Variants in CSGALNACT1 observed in about 807,000 individuals in gnomAD.
CSGALNACT1 encodes the protein beta4GalNAcT-1.
Under a neutral mutation model 51.0 loss-of-function variants are expected in CSGALNACT1, and 52 were observed. The ratio of observed to expected loss-of-function variants is 1.02; its 90% CI spans 0.82 to 1.29. CSGALNACT1 has a LOEUF of 1.29. CSGALNACT1 is among the 50% of genes most tolerant of loss of function. CSGALNACT1 has a pLI of 0.00. For missense variants in CSGALNACT1, 935 were observed against 679.2 expected, an observed-to-expected ratio of 1.38 and a Z score of -4.19; for synonymous variants, 341 against 254.4, an observed-to-expected ratio of 1.34 and a Z score of -3.24.
At chr8:19,514,508 T>TATATATATAC (rs1467913759) in intron 3 of CSGALNACT1, among the ~76,000 whole-genome samples, 2 of 139,364 alleles carry the variant, frequency 1.4e-5, no homozygotes, top group African/African-American at 5.6e-5. Context: ...TATATATATA[T>TATATATATAC]ATACATGTAT....
intron 8 of CSGALNACT1, 89 bp from the exon 8 acceptor site, chr8:19,408,783 T>C (rs1412703531): frequency 2.6e-6 from 3 of 1,139,176 alleles, no homozygotes; most frequent in Non-Finnish European, 4.0e-6. Flanking sequence ...CCGTGGAGTG[T>C]GGAGCCCATC....
intron 3 of CSGALNACT1, among the ~76,000 whole-genome samples, chr8:19,545,934 C>A (rs1353052132): frequency 2.0e-5 from 3 of 150,574 alleles, no homozygotes; most frequent in Admixed American, 1.3e-4. Context: ...AAACAATGCA[C>A]AAAAAATAAA....
rs1029503064 is a variant in CSGALNACT1 at position 19,505,818 on chromosome 8, C to T, written c.17G>A (p.Arg6Gln). The T allele has an allele frequency of 6.8e-6, 11 of 1,612,174 alleles. No homozygotes were observed. Among genetic ancestry groups the T allele is most frequent in the Middle Eastern group, 1.6e-4 (1 of 6,062 alleles). Residue 6 changes from arginine to glutamine, a missense_variant, in exon 4 of 10, where the codon CGG (arginine) becomes CAG (glutamine). Transcript: ENST00000454498. ...CCGGGAAATCCACGCAAGCAGCCCC[C>T]GGCGAACCATCATCATTCAGGAATC...
At chr8:19,707,074 T>C (rs2062215712) in intron 1 of CSGALNACT1, among the ~76,000 whole-genome samples, 1 of 152,108 alleles carries the variant, frequency 6.6e-6, no homozygotes, top group African/African-American at 2.4e-5. Flanking sequence ...ATTCATCTAG[T>C]AGGAGGTTAC....
At chr8:19,682,711 G>A (rs2060714862), upstream of CSGALNACT1, 1 of 453,922 alleles carries the variant, frequency 2.2e-6, no homozygotes, top group African/African-American at 2.0e-5. Flanking sequence ...TGCAATTCGG[G>A]GCCACACCAA....
chr8:19,437,278 C>G (rs2060527016), intron 6 of CSGALNACT1, among the ~76,000 whole-genome samples: 1 of 151,944 alleles, frequency 6.6e-6, no homozygotes, highest in Non-Finnish European at 1.5e-5. Flanking sequence ...GGAAGGAACT[C>G]CCAAAAGAAG....
intron 1 of CSGALNACT1, among the ~76,000 whole-genome samples, chr8:19,639,103 T>G (rs1014615918): frequency 6.6e-6 from 1 of 152,168 alleles, no homozygotes; most frequent in African/African-American, 2.4e-5. Context: ...AATATGAATG[T>G]TTCCCTAGCC....
chr8:19,463,546 C>A (rs1751446044), intron 4 of CSGALNACT1, among the ~76,000 whole-genome samples: 1 of 152,160 alleles, frequency 6.6e-6, no homozygotes. Context: ...TATTCCAAGG[C>A]AGGAATGGTT....
At chr8:19,719,823 T>C (rs2063017182) in intron 1 of CSGALNACT1, among the ~76,000 whole-genome samples, 1 of 152,276 alleles carries the variant, frequency 6.6e-6, no homozygotes, top group South Asian at 2.1e-4. Context: ...TTCTTCCTCA[T>C]GAGAAAACAA....
chr8:19,443,474 C>G (rs1238219131), intron 5 of CSGALNACT1, among the ~76,000 whole-genome samples: 1 of 152,236 alleles, frequency 6.6e-6, no homozygotes, highest in East Asian at 1.9e-4. Flanking sequence ...TTAATGGACT[C>G]ACAGTTCCAC....
intron 1 of CSGALNACT1, among the ~76,000 whole-genome samples, chr8:19,670,430 A>G (rs188898836): frequency 2.0e-5 from 3 of 152,296 alleles, no homozygotes; most frequent in Admixed American, 2.0e-4. Context: ...TTAGTTTATT[A>G]GCTTTTTAAA....
intron 3 of CSGALNACT1, among the ~76,000 whole-genome samples, chr8:19,521,821 GAAGAT>G (rs1360115183): frequency 6.6e-6 from 1 of 152,232 alleles, no homozygotes; most frequent in Non-Finnish European, 1.5e-5. Context: ...TGCAGGAATG[GAAGAT>G]AAGAGAGGGG....
chr8:19,722,911 C>T (rs561571689), intron 1 of CSGALNACT1, among the ~76,000 whole-genome samples: 108 of 152,322 alleles, frequency 7.1e-4, no homozygotes, highest in African/African-American at 2.5e-3. Flanking sequence ...GCAAGTACAA[C>T]GATTTCCCAA....
rs369245469 is a variant in CSGALNACT1 at position 19,448,586 on chromosome 8, G to T, written c.852-8655C>A. Among the ~76,000 whole-genome samples, 38 of 152,246 alleles carry T rather than the reference G, an allele frequency of 2.5e-4. No homozygotes were observed. In the East Asian group the frequency reaches 6.2e-3, roughly 25 times the overall value. On this transcript the variant is annotated intron_variant, in intron 5 of 9. Transcript: ENST00000454498. ...AACTAAAAGGCTGAGAGGAGAGCAC[G>T]GTTATTTCCACTGGGTGCCAGGGAA...
chr8:19,757,097 GC>G lies in CSGALNACT1; in HGVS notation c.-297+752del, dbSNP rs2065446887. On this transcript the variant is annotated intron_variant, in intron 1 of 1. Transcript: ENST00000517494. The surrounding 1 kb of genome is among the most constrained non-coding windows in gnomAD (Gnocchi z 4.0). ...CGCGGGGTGGGCGGGCGCGAGCTAG[GC>G]GCGCGGGGCTGTGGGGATCTGCCGG... is the stretch of plus-strand genomic sequence containing the variant. 6.7e-6 allele frequency: 1 copy of G among 150,150 alleles called. No homozygotes were observed. Among genetic ancestry groups the G allele is most frequent in the African/African-American group, 2.4e-5 (1 of 41,220 alleles). The allele number at this position is 150,150 out of a possible 1,614,324, so 9.3% of individuals were successfully genotyped here. A position where few individuals can be genotyped will look rare whatever the true frequency, so the allele number is the denominator to read the frequency against.
At chr8:19,688,851 C>T (rs1189401537) in intron 1 of CSGALNACT1, 1 of 152,492 alleles carries the variant, frequency 6.6e-6, no homozygotes, top group East Asian at 1.9e-4. Context: ...CCAACCTCCT[C>T]CACATGCACC....
chr8:19,523,630 A>T (rs143485272), intron 3 of CSGALNACT1, among the ~76,000 whole-genome samples: 1 of 152,314 alleles, frequency 6.6e-6, no homozygotes, highest in Non-Finnish European at 1.5e-5. Context: ...CAACTTTTCT[A>T]GCATTCAGTA....
At chr8:19,521,434 G>A (rs2080676896) in intron 3 of CSGALNACT1, among the ~76,000 whole-genome samples, 1 of 152,226 alleles carries the variant, frequency 6.6e-6, no homozygotes, top group Admixed American at 6.5e-5. Context: ...TGTAATCCTA[G>A]CACTCTGGGA....
chr8:19,669,773 C>T (rs772851803), intron 1 of CSGALNACT1, among the ~76,000 whole-genome samples: 2 of 152,212 alleles, frequency 1.3e-5, no homozygotes, highest in Non-Finnish European at 2.9e-5. Context: ...CTGTGCCCAG[C>T]TGTAAACCAT....
Sources: allele counts gnomAD v4.1 joint callset (sites outside exome capture counted in the v4.1 genomes callset), GRCh38; gene constraint gnomAD v4.1.1; non-coding constraint Gnocchi (gnomAD v3.1); transcripts MANE v1.5; gene names NCBI Gene and HGNC (gene_info 2026-07-23, HGNC 2026-07-21).